The following CCSER1 variants were observed in gnomAD, a reference collection of about 807,000 sequenced individuals.
CCSER1 encodes coiled-coil serine rich protein 1.
In CCSER1, 41 loss-of-function variants were observed where a neutral mutation model predicts 82.0. That is an observed-to-expected ratio of 0.50 (90% CI 0.39 to 0.65). CCSER1 has a LOEUF of 0.65. Ranked by LOEUF, CCSER1 falls within the 30% of genes least tolerant of loss-of-function variation. The pLI is 0.00. For synonymous variants in CCSER1, 414 were observed against 383.9 expected (o/e 1.08, Z -0.92); for missense variants, 1,119 against 1,064.2 (o/e 1.05, Z -0.72).
At chr4:91,024,053 G>T (rs1043938947) in intron 9 of CCSER1, among the ~76,000 whole-genome samples, 2 of 152,144 alleles carry the variant, frequency 1.3e-5, no homozygotes, top group African/African-American at 4.8e-5. Context: ...GAGACTGACA[G>T]TGCTAACATG....
chr4:90,626,245 A>G (rs937085848), intron 5 of CCSER1, among the ~76,000 whole-genome samples: 4 of 152,150 alleles, frequency 2.6e-5, no homozygotes, highest in Non-Finnish European at 4.4e-5. Flanking sequence ...CAATTATACA[A>G]CTATTTACTG....
intron 9 of CCSER1, among the ~76,000 whole-genome samples, chr4:91,082,787 G>A (rs957738462): frequency 9.9e-5 from 15 of 152,128 alleles, no homozygotes; most frequent in Non-Finnish European, 2.2e-4. Flanking sequence ...AGACATTTAT[G>A]CAGCCAAAAG....
rs1738404564 is a variant in CCSER1, at chr4:90,204,504, G to T, written c.-42+76673G>T. On this transcript the variant is annotated intron_variant, in intron 1 of 10. Transcript: ENST00000509176. ...GTTTGTCAAAGATCAGATGGCTCTA[G>T]ATGTGTGGCATTATTTCTGAGACCT... is the stretch of plus-strand genomic sequence containing the variant. 2.6e-5 allele frequency among the ~76,000 whole-genome samples: 4 copies of T among 152,272 alleles called. No individual in the cohort carries two copies. The East Asian group carries it at 7.7e-4, about 29-fold the overall frequency.
intron 10 of CCSER1, among the ~76,000 whole-genome samples, chr4:91,097,459 C>T (rs1329662192): frequency 6.6e-6 from 1 of 152,050 alleles, no homozygotes; most frequent in African/African-American, 2.4e-5. Flanking sequence ...GATGAACAGT[C>T]TTGGCAGGGA....
intron 10 of CCSER1, among the ~76,000 whole-genome samples, chr4:91,193,022 C>T (rs1333640981): frequency 6.6e-6 from 1 of 152,112 alleles, no homozygotes; most frequent in Non-Finnish European, 1.5e-5. Context: ...CTTCCTCAAA[C>T]TATACATGCA....
rs562018417 is a variant in CCSER1 at position 90,824,959 on chromosome 4, A to G, written c.2094+9114A>G. On this transcript the variant is annotated intron_variant, in intron 8 of 10. Coordinates refer to ENST00000509176, the MANE Select transcript of CCSER1 (RefSeq NM_001145065.2). ...AATTACTCTCCTAGTCAGCTCTGTAAGACAGATGTAGAGTGTGAATGTGAC... is the reference window on the plus strand; with the variant it reads ...AATTACTCTCCTAGTCAGCTCTGTAGGACAGATGTAGAGTGTGAATGTGAC... Among the ~76,000 whole-genome samples the G allele has an allele frequency of 9.9e-5, 15 of 152,278 alleles. 1 individual carries two copies. The South Asian group carries it at 2.5e-3, about 25-fold the overall frequency.
At chr4:90,597,627 T>A (rs1783499962) in intron 5 of CCSER1, among the ~76,000 whole-genome samples, 1 of 152,060 alleles carries the variant, frequency 6.6e-6, no homozygotes, top group Non-Finnish European at 1.5e-5. Flanking sequence ...GTGAATCAAA[T>A]TACAGTATCT....
intron 9 of CCSER1, among the ~76,000 whole-genome samples, chr4:90,962,149 A>T (rs1246933722): frequency 6.6e-6 from 1 of 152,100 alleles, no homozygotes; most frequent in East Asian, 1.9e-4. Context: ...TTAATAGTGG[A>T]TCCAAGAATA....
At chr4:91,548,338 T>G (rs1332385507) in intron 10 of CCSER1, among the ~76,000 whole-genome samples, 1 of 152,116 alleles carries the variant, frequency 6.6e-6, no homozygotes, top group African/African-American at 2.4e-5. Context: ...TTATACACGG[T>G]CATACATGCA....
chr4:90,792,117 CTGATACCAG>C (rs1330125818), intron 7 of CCSER1, among the ~76,000 whole-genome samples: 2 of 152,146 alleles, frequency 1.3e-5, no homozygotes, highest in Admixed American at 1.3e-4. Flanking sequence ...TGCAGAATCC[CTGATACCAG>C]TGTTTAAGGT....
At chr4:90,957,857 A>T (rs1733685010) in intron 9 of CCSER1, among the ~76,000 whole-genome samples, 1 of 151,502 alleles carries the variant, frequency 6.6e-6, no homozygotes, top group Non-Finnish European at 1.5e-5. Context: ...ATATTGACAT[A>T]AAATGATGAA....
chr4:90,536,424 A>G (rs1360200235), intron 5 of CCSER1, among the ~76,000 whole-genome samples: 1 of 152,214 alleles, frequency 6.6e-6, no homozygotes, highest in Non-Finnish European at 1.5e-5. Context: ...GGGAGGATTA[A>G]GTGTATATAC....
chr4:91,390,052 G>A (rs766616493), intron 10 of CCSER1, among the ~76,000 whole-genome samples: 10 of 151,878 alleles, frequency 6.6e-5, no homozygotes, highest in South Asian at 4.2e-4. Flanking sequence ...CCTAACCTAC[G>A]TATGTTTTAT....
chr4:90,347,235 A>G (rs1226643785), intron 3 of CCSER1, among the ~76,000 whole-genome samples: 2 of 152,164 alleles, frequency 1.3e-5, no homozygotes, highest in Non-Finnish European at 2.9e-5. Flanking sequence ...CTGCCAATTT[A>G]TAAGGAACTA....
intron 6 of CCSER1, among the ~76,000 whole-genome samples, chr4:90,694,717 T>C (rs1026539592): frequency 2.0e-5 from 3 of 151,926 alleles, no homozygotes; most frequent in Non-Finnish European, 4.4e-5. Flanking sequence ...ACTTGTTAAA[T>C]GTGCCAACCT....
rs1373567607 is a variant in CCSER1, at chr4:90,271,852, ATATATATATATTTTTTTTTTTT to A, written c.-41-36390_-41-36369del. On this transcript the variant is annotated intron_variant, in intron 1 of 10. Coordinates refer to ENST00000509176, the MANE Select transcript of CCSER1 (RefSeq NM_001145065.2). ...TATATATATATATATATATATATAT[ATATATATATATTTTTTTTTTTT>A]TTTTTTTTTTTTTTTTAAAAGGAGG... Among the ~76,000 whole-genome samples, 163 of 24,424 alleles carry A rather than the reference ATATATATATATTTTTTTTTTTT, an allele frequency of 6.7e-3. 6 individuals are homozygous for A. The highest frequency in any genetic ancestry group is 0.061 in the African/African-American group (149 of 2,440). 16.0% of individuals were successfully genotyped at this position (24,424 alleles called of 152,430 possible). A position where few individuals can be genotyped will look rare whatever the true frequency, so the allele number is the denominator to read the frequency against.
At position 91,465,939 on chromosome 4, in the gene CCSER1, T is replaced by G. The variant is rs1274340337; in HGVS notation, c.2218-132633T>G. On this transcript the variant is annotated intron_variant, in intron 10 of 10. Coordinates refer to ENST00000509176, the MANE Select transcript of CCSER1 (RefSeq NM_001145065.2). ...TACCAGAGGTACAAGGAGGAGCTGGTACCATTCTTTCTGAAACTATTCCAA... is the reference window on the plus strand; with the variant it reads ...TACCAGAGGTACAAGGAGGAGCTGGGACCATTCTTTCTGAAACTATTCCAA... Among the ~76,000 whole-genome samples, 3 of 152,172 alleles carry G rather than the reference T, an allele frequency of 2.0e-5. No homozygotes were observed. The East Asian group carries it at 5.8e-4, about 29-fold the overall frequency.
intron 4 of CCSER1, among the ~76,000 whole-genome samples, chr4:90,400,793 G>A (rs541397844): frequency 5.3e-5 from 8 of 152,146 alleles, no homozygotes; most frequent in South Asian, 2.1e-4. Flanking sequence ...ATTATTGGTC[G>A]TCCATTCAAA....
chr4:91,552,065 TTCA>T (rs1762184822), intron 10 of CCSER1, among the ~76,000 whole-genome samples: 1 of 151,776 alleles, frequency 6.6e-6, no homozygotes, highest in Admixed American at 6.6e-5. Flanking sequence ...AAGAAATAAG[TTCA>T]TTTTTTAAGA....
Sources: allele counts gnomAD v4.1 joint callset (sites outside exome capture counted in the v4.1 genomes callset), GRCh38; gene constraint gnomAD v4.1.1; transcripts MANE v1.5; gene names NCBI Gene and HGNC (gene_info 2026-07-23, HGNC 2026-07-21).